Variants in LRRTM4 observed in about 807,000 individuals in gnomAD.
The protein encoded by LRRTM4 is leucine rich repeat transmembrane neuronal 4, also known as leucine-rich repeat transmembrane neuronal protein 4.
Under a neutral mutation model 47.6 loss-of-function variants are expected in LRRTM4, and 25 were observed. That is an observed-to-expected ratio of 0.53 (90% CI 0.38 to 0.73). The LOEUF (loss-of-function observed/expected upper bound fraction) is 0.73, where lower values mean the gene tolerates loss of function less well. Among genes scored for constraint, LRRTM4 ranks in the 30% least tolerant of loss-of-function variants. The pLI, the probability that LRRTM4 is intolerant of heterozygous loss-of-function variation, is 0.00. For synonymous variants in LRRTM4, 311 were observed against 269.5 expected, an observed-to-expected ratio of 1.15 and a Z score of -1.51; for missense variants, 638 against 713.4, an observed-to-expected ratio of 0.89 and a Z score of 1.20.
At chr2:77,441,779 T>C (rs1048509538) in intron 3 of LRRTM4, among the ~76,000 whole-genome samples, 6 of 152,220 alleles carry the variant, frequency 3.9e-5, no homozygotes, top group African/African-American at 1.4e-4. Context: ...TTTTCCTTGC[T>C]TGAATACGTG....
At chr2:77,090,951 G>A (rs1185692883) in intron 3 of LRRTM4, among the ~76,000 whole-genome samples, 2 of 152,004 alleles carry the variant, frequency 1.3e-5, no homozygotes, top group Non-Finnish European at 2.9e-5. Context: ...TCAATACGGA[G>A]GCTACCCGCT....
chr2:76,928,882 A>C (rs1674673989), intron 3 of LRRTM4, among the ~76,000 whole-genome samples: 1 of 152,172 alleles, frequency 6.6e-6, no homozygotes, highest in Non-Finnish European at 1.5e-5. Flanking sequence ...AATCATATTA[A>C]TATATTTCCT....
intron 3 of LRRTM4, among the ~76,000 whole-genome samples, chr2:76,854,321 A>C (rs1258539129): frequency 3.3e-5 from 5 of 152,186 alleles, no homozygotes; most frequent in Non-Finnish European, 5.9e-5. Context: ...CTGATAATAC[A>C]GATAGTATGC....
At chr2:76,839,587 T>C (rs1671613357) in intron 3 of LRRTM4, among the ~76,000 whole-genome samples, 1 of 152,078 alleles carries the variant, frequency 6.6e-6, no homozygotes, top group Non-Finnish European at 1.5e-5. Flanking sequence ...ATTTCTAATC[T>C]ATCATTCTTG....
At chr2:77,093,698 G>T (rs531790368) in intron 3 of LRRTM4, among the ~76,000 whole-genome samples, 3 of 151,918 alleles carry the variant, frequency 2.0e-5, no homozygotes, top group Non-Finnish European at 4.4e-5. Context: ...CCAAGCCATC[G>T]CATCCCCTGT....
chr2:77,310,864 A>G (rs796356737), intron 3 of LRRTM4, among the ~76,000 whole-genome samples: 12 of 152,240 alleles, frequency 7.9e-5, no homozygotes, highest in African/African-American at 2.2e-4. Flanking sequence ...ACACACATAT[A>G]TATTTAGAGA....
chr2:76,864,767 C>A, intron 3 of LRRTM4, among the ~76,000 whole-genome samples: 1 of 151,918 alleles, frequency 6.6e-6, no homozygotes, highest in African/African-American at 2.4e-5. Flanking sequence ...TTTTCTGTTG[C>A]CCAGGCTGGA....
At chr2:76,964,909 A>G (rs539280095) in intron 3 of LRRTM4, among the ~76,000 whole-genome samples, 1 of 151,188 alleles carries the variant, frequency 6.6e-6, no homozygotes, top group East Asian at 2.0e-4. Context: ...AGAGTACAAC[A>G]AACAACTCTA....
chr2:76,801,488 A>G (rs996515530), intron 3 of LRRTM4, among the ~76,000 whole-genome samples: 7 of 151,888 alleles, frequency 4.6e-5, no homozygotes, highest in African/African-American at 1.5e-4. Context: ...CACAGGAAGG[A>G]GAATATCACA....
chr2:76,909,756 CACTG>C (rs1553429416), intron 3 of LRRTM4, among the ~76,000 whole-genome samples: 2 of 152,218 alleles, frequency 1.3e-5, no homozygotes, highest in Admixed American at 6.5e-5. Context: ...TGCTCACCAT[CACTG>C]ACTATCAGAG....
At chr2:77,220,818 A>G (rs1674600683) in intron 3 of LRRTM4, among the ~76,000 whole-genome samples, 1 of 152,228 alleles carries the variant, frequency 6.6e-6, no homozygotes, top group Admixed American at 6.5e-5. Context: ...CAATCTAGCA[A>G]GGCAGGCCAA....
chr2:77,198,694 C>T (rs1035407806), intron 3 of LRRTM4, among the ~76,000 whole-genome samples: 1 of 152,152 alleles, frequency 6.6e-6, no homozygotes, highest in Non-Finnish European at 1.5e-5. Flanking sequence ...TAGCTACTTG[C>T]TTTCAATCAC....
At chr2:77,389,751 G>A (rs1558720717) in intron 3 of LRRTM4, among the ~76,000 whole-genome samples, 1 of 151,942 alleles carries the variant, frequency 6.6e-6, no homozygotes, top group Non-Finnish European at 1.5e-5. Flanking sequence ...CCCACAAGCA[G>A]GAAAAGTTAA....
chr2:77,052,150 C>CCT (rs1491101399), intron 3 of LRRTM4, among the ~76,000 whole-genome samples: 1 of 63,598 alleles, frequency 1.6e-5, no homozygotes, highest in African/African-American at 6.9e-5. Flanking sequence ...GTTACATTTC[C>CCT]TTTTTTTTTT....
intron 3 of LRRTM4, among the ~76,000 whole-genome samples, chr2:77,218,552 G>C (rs1674525589): frequency 6.7e-6 from 1 of 150,102 alleles, no homozygotes; most frequent in South Asian, 2.1e-4. Context: ...ATTGTTCCTG[G>C]GATATTGGAA....
chr2:77,400,855 G>C (rs758660446), intron 3 of LRRTM4, among the ~76,000 whole-genome samples: 29 of 151,758 alleles, frequency 1.9e-4, no homozygotes, highest in African/African-American at 2.4e-5. Flanking sequence ...TGTTGTTGTA[G>C]AGCCCATGAA....
intron 3 of LRRTM4, among the ~76,000 whole-genome samples, chr2:76,902,666 G>A (rs1673680808): frequency 6.6e-6 from 1 of 152,160 alleles, no homozygotes; most frequent in Admixed American, 6.5e-5. Flanking sequence ...GAGGTATTGT[G>A]TACATTAGTA....
At chr2:77,024,363 CCTT>C (rs1678377095) in intron 3 of LRRTM4, among the ~76,000 whole-genome samples, 1 of 152,060 alleles carries the variant, frequency 6.6e-6, no homozygotes, top group Non-Finnish European at 1.5e-5. Flanking sequence ...TGGCTTATTT[CCTT>C]TAGCATAATA....
At chr2:76,774,607 T>C (rs1403473150) in intron 3 of LRRTM4, among the ~76,000 whole-genome samples, 1 of 152,090 alleles carries the variant, frequency 6.6e-6, no homozygotes, top group Non-Finnish European at 1.5e-5. Context: ...TTGAGTAGGC[T>C]AAGGAGGAGG....
Sources: gnomAD v4.1 joint callset for allele counts (sites outside exome capture counted in the v4.1 genomes callset) on GRCh38, gnomAD v4.1.1 for gene constraint, MANE v1.5 for transcripts, NCBI Gene and HGNC (gene_info 2026-07-23, HGNC 2026-07-21) for gene names.